TTLL3: variants seen among roughly 807,000 people sequenced by gnomAD.
TTLL3 encodes the protein tubulin tyrosine ligase like 3.
A neutral mutation model predicts 75.2 loss-of-function variants in TTLL3; 63 were observed. The ratio of observed to expected loss-of-function variants is 0.84; its 90% CI spans 0.68 to 1.03. The LOEUF is 1.03. TTLL3 is among the 50% of genes least tolerant of loss of function. TTLL3 has a pLI of 0.00. For missense variants in TTLL3, 997 were observed against 1,069.9 expected (o/e 0.93, Z 0.95); for synonymous variants, 393 against 418.5 (o/e 0.94, Z 0.74).
upstream of TTLL3, chr3:9,809,961 G>GGCGCGGGATCAGGGGCCCTGGGAGGGCGA (rs2079186843): frequency 1.5e-6 from 2 of 1,293,348 alleles, no homozygotes; most frequent in South Asian, 2.5e-5. Flanking sequence ...GACGCGGAGG[G>GGCGCGGGATCAGGGGCCCTGGGAGGGCGA]GCGCGGGATC....
chr3:9,834,671 G>A lies in TTLL3; in HGVS notation c.1826-10G>A. 1 of 1,613,782 alleles carries A rather than the reference G, an allele frequency of 6.2e-7. No individual in the cohort carries two copies. Among genetic ancestry groups the A allele is most frequent in the Non-Finnish European group, 8.5e-7 (1 of 1,179,956 alleles). On this transcript the variant is annotated splice_polypyrimidine_tract_variant and intron_variant, in intron 12 of 13. Transcript: ENST00000685419. Reference sequence around the variant, plus strand: ...ACCCCAGGGCCTCACAGCTTCTCTTGCTCCCACAGCCCGTCACCACTTCCC... The same window carrying A: ...ACCCCAGGGCCTCACAGCTTCTCTTACTCCCACAGCCCGTCACCACTTCCC...
At chr3:9,817,472 C>A in intron 5 of TTLL3, 173 bp from the exon 6 acceptor site, 1 of 985,098 alleles carries the variant, frequency 1.0e-6, no homozygotes, top group Non-Finnish European at 1.2e-6. Flanking sequence ...ATCAGGCATT[C>A]TTGGCAAAGG....
chr3:9,832,681 C>T (rs891149096), intron 11 of TTLL3, among the ~76,000 whole-genome samples: 2 of 152,194 alleles, frequency 1.3e-5, no homozygotes, highest in Non-Finnish European at 1.5e-5. Context: ...TACCCCATAA[C>T]CTGGATTCAC....
In TTLL3 at chr3:9,835,470, G is replaced by T; in HGVS notation, c.2429G>T (p.Gly810Val). The T allele has an allele frequency of 6.2e-7, 1 of 1,601,186 alleles. No homozygotes were observed. The highest frequency in any genetic ancestry group is 8.5e-7 in the Non-Finnish European group (1 of 1,174,954). Residue 810 changes from glycine to valine, a missense_variant, in exon 14 of 14, where the codon GGG becomes GTG. Coordinates refer to ENST00000685419, the MANE Select transcript of TTLL3 (RefSeq NM_001387446.1). ...RVDGARPCTP[G>V]STARA ...GATGGGGCGAGGCCGTGTACCCCAG[G>T]GTCCACAGCAAGAGCCTGAGGCCAT...
At chr3:9,820,796 C>A in intron 8 of TTLL3, 55 bp downstream of exon 8, 2 of 1,597,632 alleles carry the variant, frequency 1.3e-6, no homozygotes, top group African/African-American at 1.3e-5. Flanking sequence ...AGGGATAGAC[C>A]CTTTCTGTCT....
intron 11 of TTLL3, among the ~76,000 whole-genome samples, chr3:9,832,610 C>G (rs2081661857): frequency 6.6e-6 from 1 of 152,180 alleles, no homozygotes; most frequent in Non-Finnish European, 1.5e-5. Context: ...CTGCCTTCCT[C>G]TGCATATTCG....
intron 4 of TTLL3, among the ~76,000 whole-genome samples, chr3:9,814,178 C>T (rs892400073): frequency 7.9e-5 from 12 of 151,538 alleles, no homozygotes; most frequent in Admixed American, 7.2e-4. Flanking sequence ...ATAACAACAA[C>T]AACAAAAAGT....
At chr3:9,816,019 T>A (rs2079822904) in intron 4 of TTLL3, 55 bp from the exon 5 acceptor site, 4 of 1,311,016 alleles carry the variant, frequency 3.1e-6, no homozygotes, top group Non-Finnish European at 1.0e-6. Context: ...GAGGCTGCCT[T>A]AGGCCCTGCT....
intron 11 of TTLL3, among the ~76,000 whole-genome samples, chr3:9,832,148 C>T (rs928244187): frequency 7.6e-5 from 10 of 131,508 alleles, no homozygotes; most frequent in African/African-American, 2.6e-4. Flanking sequence ...TACAATGGTG[C>T]GATCTCGGCT....
chr3:9,823,959 G>A (rs1354928987), intron 8 of TTLL3, among the ~76,000 whole-genome samples: 1 of 152,224 alleles, frequency 6.6e-6, no homozygotes, highest in Non-Finnish European at 1.5e-5. Context: ...CCCTGTCCGT[G>A]CAGCCCAGTT....
intron 8 of TTLL3, among the ~76,000 whole-genome samples, chr3:9,823,402 G>C (rs1472194998): frequency 8.0e-6 from 1 of 124,996 alleles, no homozygotes; most frequent in Non-Finnish European, 1.6e-5. Context: ...CAAACAGCCA[G>C]TTTTTTTTTT....
intron 6 of TTLL3, chr3:9,818,005 A>G: frequency 2.1e-6 from 1 of 465,266 alleles, no homozygotes; most frequent in Non-Finnish European, 3.8e-6. Flanking sequence ...AGCAGGTTCT[A>G]AAAGTTGGTC....
chr3:9,834,214 C>G, intron 12 of TTLL3: 1 of 353,088 alleles, frequency 2.8e-6, no homozygotes, highest in South Asian at 2.1e-5. Flanking sequence ...GACCTGATTT[C>G]AAAGATGCCA....
intron 11 of TTLL3, 123 bp from the exon 12 acceptor site, chr3:9,832,981 G>C: frequency 1.6e-6 from 2 of 1,228,994 alleles, no homozygotes; most frequent in South Asian, 2.7e-5. Flanking sequence ...TCTCAGCTCA[G>C]AAACGCCTCT....
chr3:9,833,806 A>G (rs1460336308), intron 12 of TTLL3, among the ~76,000 whole-genome samples: 1 of 152,040 alleles, frequency 6.6e-6, no homozygotes, highest in Non-Finnish European at 1.5e-5. Flanking sequence ...GCACCTCTGC[A>G]CTCCAGCCTG....
intron 11 of TTLL3, among the ~76,000 whole-genome samples, chr3:9,832,573 G>C (rs1479737581): frequency 6.6e-6 from 1 of 152,170 alleles, no homozygotes; most frequent in Non-Finnish European, 1.5e-5. Flanking sequence ...AGAGTTGTAA[G>C]GGAGTCCCTC....
At position 9,829,069 on chromosome 3, in the gene TTLL3, C is replaced by T; in HGVS notation, c.1357C>T (p.His453Tyr). The T allele has an allele frequency of 4.3e-6, 7 of 1,614,272 alleles. No homozygotes were observed. The highest frequency in any genetic ancestry group is 5.9e-6 in the Non-Finnish European group (7 of 1,180,056). ...NMWSSQRFQA[H>Y]LQEMGAPNAW... ...GTGGTCTAGCCAGAGGTTCCAGGCC[C>T]ACCTGCAGGAGATGGGTGCCCCAAA... is the stretch of plus-strand genomic sequence containing the variant. The change falls in exon 11 of 14, where the codon CAC (histidine) becomes TAC (tyrosine). Residue 453 changes from histidine (H) to tyrosine (Y), a missense_variant. His to Tyr is a moderately conservative substitution (Grantham distance 83, BLOSUM62 2). Coordinates refer to ENST00000685419, the MANE Select transcript of TTLL3 (RefSeq NM_001387446.1).
intron 8 of TTLL3, 128 bp downstream of exon 8, chr3:9,820,869 C>A (rs1168585701): frequency 2.8e-6 from 4 of 1,422,012 alleles, no homozygotes; most frequent in Non-Finnish European, 2.8e-6. Flanking sequence ...TGCTCAGGAA[C>A]CCTCGAGGAC....
Position 9,836,316 on chromosome 3 carries a change from G to C in TTLL3, c.*827G>C. 6.6e-6 allele frequency: 1 copy of C among 150,462 alleles called. No individual in the cohort carries two copies. The allele number at this position is 150,462 out of a possible 1,614,324, so 9.3% of individuals were successfully genotyped here. A position where few individuals can be genotyped will look rare whatever the true frequency, so the allele number is the denominator to read the frequency against. ...ACCCTAAATCAAAAAAAAAAAAAAAGGTCTTTGCAGATGTAAATAAATTTA... is the reference window on the plus strand; with the variant it reads ...ACCCTAAATCAAAAAAAAAAAAAAACGTCTTTGCAGATGTAAATAAATTTA... On this transcript the variant is annotated 3_prime_UTR_variant, in exon 14 of 14. Coordinates refer to ENST00000685419, the MANE Select transcript of TTLL3 (RefSeq NM_001387446.1).
Sources: allele counts gnomAD v4.1 joint callset (sites outside exome capture counted in the v4.1 genomes callset), GRCh38; gene constraint gnomAD v4.1.1; transcripts MANE v1.5; gene names NCBI Gene and HGNC (gene_info 2026-07-23, HGNC 2026-07-21).